The following ANXA11 variants were observed in gnomAD, a reference collection of about 807,000 sequenced individuals.
The protein encoded by ANXA11 is annexin A11.
A neutral mutation model predicts 64.7 loss-of-function variants in ANXA11; 57 were observed. The ratio of observed to expected loss-of-function variants is 0.88; its 90% CI spans 0.71 to 1.10. The LOEUF is 1.10. Among genes scored for constraint, ANXA11 ranks in the 50% least tolerant of loss-of-function variants. The pLI is 0.00. For missense variants in ANXA11, 675 were observed against 670.7 expected (o/e 1.01, Z -0.07); for synonymous variants, 260 against 265.2 (o/e 0.98, Z 0.19).
chr10:80,183,107 C>A (rs531879515), intron 1 of ANXA11, among the ~76,000 whole-genome samples: 1 of 152,312 alleles, frequency 6.6e-6, no homozygotes, highest in South Asian at 2.1e-4. Context: ...GAGTGGCTCA[C>A]GACCTCCACA....
chr10:80,190,688 T>C (rs11499000), intron 1 of ANXA11, among the ~76,000 whole-genome samples: 94,669 of 150,664 alleles, frequency 0.63, 30,698 homozygotes, highest in African/African-American at 0.78. Context: ...GGTTTCACCA[T>C]GTCAGCCAAG....
At chr10:80,205,575 G>A (rs1290457803), upstream of ANXA11, 1 of 152,162 alleles carries the variant, frequency 6.6e-6, no homozygotes, top group African/African-American at 2.4e-5. Flanking sequence ...GGCAGTGCAA[G>A]GGAGGGGCGG....
intron 2 of ANXA11, among the ~76,000 whole-genome samples, chr10:80,175,280 T>C (rs530351597): frequency 6.6e-6 from 1 of 152,214 alleles, no homozygotes; most frequent in Admixed American, 6.5e-5. Context: ...AACCTTCTAA[T>C]AGAAGGAACT....
At chr10:80,189,123 G>A (rs1043780577) in intron 1 of ANXA11, among the ~76,000 whole-genome samples, 13 of 152,236 alleles carry the variant, frequency 8.5e-5, no homozygotes, top group Admixed American at 2.0e-4. Flanking sequence ...GAAATGGGGA[G>A]ACTAGCCTAG....
At chr10:80,168,258 G>A (rs1845826250) in intron 5 of ANXA11, among the ~76,000 whole-genome samples, 1 of 151,378 alleles carries the variant, frequency 6.6e-6, no homozygotes, top group Admixed American at 6.6e-5. Context: ...GTGCCGGGGG[G>A]GGCGGGGGTG....
chr10:80,168,091 C>A (rs1015472695), intron 5 of ANXA11, among the ~76,000 whole-genome samples: 1 of 152,140 alleles, frequency 6.6e-6, no homozygotes, highest in African/African-American at 2.4e-5. Flanking sequence ...CATACCACTA[C>A]CCCTGTGCTG....
intron 3 of ANXA11, chr10:80,171,310 A>G: frequency 1.0e-6 from 1 of 996,306 alleles, no homozygotes; most frequent in African/African-American, 1.7e-5. Context: ...GAGCTCTGAG[A>G]TTTCAGTAAT....
intron 1 of ANXA11, among the ~76,000 whole-genome samples, chr10:80,177,877 A>G (rs1846225171): frequency 6.6e-6 from 1 of 152,170 alleles, no homozygotes; most frequent in Admixed American, 6.5e-5. Context: ...GCGCTGACCA[A>G]TCTCCCCCCA....
chr10:80,202,387 T>C (rs1840471111), intron 1 of ANXA11, among the ~76,000 whole-genome samples: 1 of 152,180 alleles, frequency 6.6e-6, no homozygotes, highest in Non-Finnish European at 1.5e-5. Flanking sequence ...CAAACAACTA[T>C]GTGACTATCA....
In ANXA11 at chr10:80,166,123, T is replaced by A; in HGVS notation, c.819A>T (p.Pro273=). 1.2e-6 allele frequency: 2 copies of A among 1,612,744 alleles called. No homozygotes were observed. Among genetic ancestry groups the A allele is most frequent in the Non-Finnish European group, 1.7e-6 (2 of 1,179,094 alleles). ...TTATCTCATAAATGTCAAAGAGGAC[T>A]GGGGTCTTCATCAGAGCCAAGATTG... ...EKTILALMKT[P]VLFDIYEIKE... Residue 273 remains proline, a synonymous_variant, in exon 8 of 16, where the codon CCA becomes CCT. Transcript: ENST00000422982.
At chr10:80,173,549 C>A (rs952444375) in intron 2 of ANXA11, among the ~76,000 whole-genome samples, 1 of 152,146 alleles carries the variant, frequency 6.6e-6, no homozygotes, top group Non-Finnish European at 1.5e-5. Flanking sequence ...GGAGGAAGAG[C>A]AGCCTGGACA....
chr10:80,168,929 C>A, intron 5 of ANXA11, 40 bp downstream of exon 5: 1 of 1,473,248 alleles, frequency 6.8e-7, no homozygotes, highest in Admixed American at 2.8e-5. Context: ...GCCTTTGGGG[C>A]CCAGGCCTGG....
At chr10:80,194,768 C>T (rs1194090054) in intron 1 of ANXA11, among the ~76,000 whole-genome samples, 2 of 152,166 alleles carry the variant, frequency 1.3e-5, no homozygotes, top group Non-Finnish European at 2.9e-5. Context: ...GAGGAAAGGG[C>T]TGCAAAAGGG....
chr10:80,186,206 A>T (rs530799897), intron 1 of ANXA11, among the ~76,000 whole-genome samples: 1 of 152,248 alleles, frequency 6.6e-6, no homozygotes, highest in South Asian at 2.1e-4. Context: ...ACATATCATG[A>T]CATCCTGTTT....
chr10:80,187,150 G>A (rs1846572222), intron 1 of ANXA11, among the ~76,000 whole-genome samples: 1 of 152,158 alleles, frequency 6.6e-6, no homozygotes, highest in Admixed American at 6.5e-5. Context: ...GTGTGGCCAG[G>A]ACCTGCTATA....
At chr10:80,200,602 C>T (rs1840378645) in intron 1 of ANXA11, among the ~76,000 whole-genome samples, 1 of 152,210 alleles carries the variant, frequency 6.6e-6, no homozygotes, top group Non-Finnish European at 1.5e-5. Context: ...CAGAATCTGA[C>T]AGCCAGGCAA....
At chr10:80,176,043 G>C (rs997397504) in intron 2 of ANXA11, 64 bp downstream of exon 2, 27 of 152,216 alleles carry the variant, frequency 1.8e-4, no homozygotes, top group African/African-American at 5.8e-4. Context: ...GACAGAGCGA[G>C]ACTCCGTCTC....
intron 12 of ANXA11, 32 bp downstream of exon 12, chr10:80,161,903 A>T (rs1382155500): frequency 6.4e-7 from 1 of 1,572,236 alleles, no homozygotes; most frequent in Non-Finnish European, 8.7e-7. Context: ...CCCTCATCTA[A>T]CTGGCCTCTG....
chr10:80,166,934 G>A lies in ANXA11; in HGVS notation c.700C>T (p.Gln234Ter). 1.2e-6 allele frequency: 2 copies of A among 1,609,132 alleles called. No homozygotes were observed. The highest frequency in any genetic ancestry group is 2.2e-5 in the East Asian group (1 of 44,690). ...IDCLGSRSNK[Q>*]RQQILLSFKT... ...AAGGAAAGTAGGATCTGCTGCCGCT[G>A]CTTGTTGGAGCGACTCCCCAGGCAG... The change falls in exon 7 of 16, where the codon CAG becomes TAG. Residue 234 changes from glutamine (Q) to a stop codon, truncating the protein, a stop_gained. Coordinates refer to ENST00000422982, the MANE Select transcript of ANXA11 (RefSeq NM_145868.2). LOFTEE classifies it high-confidence loss of function.
Sources: gnomAD v4.1 joint callset for allele counts (sites outside exome capture counted in the v4.1 genomes callset) on GRCh38, gnomAD v4.1.1 for gene constraint, MANE v1.5 for transcripts, NCBI Gene and HGNC (gene_info 2026-07-23, HGNC 2026-07-21) for gene names.